SUGCT: variants seen among roughly 807,000 people sequenced by gnomAD.
SUGCT encodes the protein succinyl-CoA:glutarate CoA-transferase.
A neutral mutation model predicts 55.0 loss-of-function variants in SUGCT; 41 were observed. That is an observed-to-expected ratio of 0.74 (90% CI 0.58 to 0.97). The LOEUF is 0.97. Among genes scored for constraint, SUGCT ranks in the 50% least tolerant of loss-of-function variants. SUGCT has a pLI of 0.00. For missense variants in SUGCT, 568 were observed against 547.8 expected, an observed-to-expected ratio of 1.04 and a Z score of -0.37; for synonymous variants, 187 against 200.4, an observed-to-expected ratio of 0.93 and a Z score of 0.56.
chr7:40,426,918 A>G (rs1291109100), intron 9 of SUGCT, among the ~76,000 whole-genome samples: 2 of 152,098 alleles, frequency 1.3e-5, no homozygotes, highest in Non-Finnish European at 2.9e-5. Context: ...GACTCTAGCA[A>G]TCCTCCTGCC....
At chr7:40,931,191 T>C in the SUGCT span, among the ~76,000 whole-genome samples, 51 of 152,208 alleles carry the variant, frequency 3.4e-4, no homozygotes, top group Non-Finnish European at 6.3e-4. Context: ...ATGTGGTTAT[T>C]ATCATTGGTT....
the SUGCT span, among the ~76,000 whole-genome samples, chr7:40,922,257 T>G: frequency 0.32 from 48,929 of 151,980 alleles, 8,109 homozygotes; most frequent in South Asian, 0.49. Context: ...TCCCAGAGTT[T>G]CTGTAAAATT....
chr7:40,512,448 T>C (rs1370280790), intron 12 of SUGCT, among the ~76,000 whole-genome samples: 1 of 152,232 alleles, frequency 6.6e-6, no homozygotes, highest in Admixed American at 6.5e-5. Flanking sequence ...TAGAGTGCTG[T>C]GGCTGTGTAC....
At chr7:40,684,052 A>G (rs1784363520) in intron 12 of SUGCT, 1 of 1,612,494 alleles carries the variant, frequency 6.2e-7, no homozygotes, top group Non-Finnish European at 8.5e-7. Flanking sequence ...CTGGTTGTCA[A>G]TAGAACGCTG....
At chr7:40,820,871 G>T (rs932504641) in intron 13 of SUGCT, among the ~76,000 whole-genome samples, 2 of 152,034 alleles carry the variant, frequency 1.3e-5, no homozygotes, top group Non-Finnish European at 2.9e-5. Flanking sequence ...TCCCATTTTC[G>T]CCCATTCAGT....
At chr7:40,745,936 T>C (rs965512659) in intron 12 of SUGCT, among the ~76,000 whole-genome samples, 1 of 152,196 alleles carries the variant, frequency 6.6e-6, no homozygotes, top group African/African-American at 2.4e-5. Flanking sequence ...AAACATTTTT[T>C]AATTGAATTT....
intron 12 of SUGCT, among the ~76,000 whole-genome samples, chr7:40,531,774 C>T (rs1794105360): frequency 6.6e-6 from 1 of 151,984 alleles, no homozygotes; most frequent in Non-Finnish European, 1.5e-5. Context: ...CCCGGGTTCC[C>T]GCCATTCTTC....
intron 1 of SUGCT, among the ~76,000 whole-genome samples, chr7:40,155,352 AT>A (rs1387209988): frequency 6.6e-6 from 1 of 151,884 alleles, no homozygotes; most frequent in African/African-American, 2.4e-5. Flanking sequence ...ATTAAAAGAA[AT>A]GTTTTCTTCC....
intron 9 of SUGCT, among the ~76,000 whole-genome samples, chr7:40,402,192 A>G (rs1483513455): frequency 6.6e-6 from 1 of 152,094 alleles, no homozygotes; most frequent in African/African-American, 2.4e-5. Flanking sequence ...ACCAAAGGTA[A>G]CACAATTAGG....
the SUGCT span, among the ~76,000 whole-genome samples, chr7:40,875,081 G>A: frequency 6.6e-6 from 1 of 152,192 alleles, no homozygotes; most frequent in Non-Finnish European, 1.5e-5. Flanking sequence ...GTTCTAGATG[G>A]TCTTTTCTAC....
intron 13 of SUGCT, among the ~76,000 whole-genome samples, chr7:40,819,220 A>G (rs1032379880): frequency 1.3e-5 from 2 of 152,056 alleles, no homozygotes; most frequent in Non-Finnish European, 2.9e-5. Flanking sequence ...ATAAACATAT[A>G]TGTGCATGTG....
the SUGCT span, among the ~76,000 whole-genome samples, chr7:41,035,053 G>T: frequency 6.6e-6 from 1 of 152,204 alleles, no homozygotes; most frequent in Non-Finnish European, 1.5e-5. Flanking sequence ...GTCCCCAGCG[G>T]TGTTCTTCTT....
the SUGCT span, among the ~76,000 whole-genome samples, chr7:40,898,005 T>G: frequency 6.6e-6 from 1 of 152,104 alleles, no homozygotes; most frequent in Admixed American, 6.5e-5. Context: ...CAGGTTCCCT[T>G]CCGGTGTGAA....
chr7:40,546,366 G>C (rs532589825), intron 12 of SUGCT, among the ~76,000 whole-genome samples: 2 of 152,174 alleles, frequency 1.3e-5, no homozygotes, highest in East Asian at 3.9e-4. Flanking sequence ...ATTAAGACAG[G>C]CCTATTTCAA....
intron 9 of SUGCT, among the ~76,000 whole-genome samples, chr7:40,374,179 A>G (rs994877849): frequency 6.6e-5 from 10 of 152,136 alleles, no homozygotes; most frequent in African/African-American, 2.4e-4. Context: ...AAAAAGGAGG[A>G]ATATTAATGT....
Position 40,198,726 on chromosome 7 carries a change from G to T in SUGCT, c.484+3666G>T, listed in dbSNP as rs548193151. Among the ~76,000 whole-genome samples the T allele has an allele frequency of 7.5e-5, 11 of 146,134 alleles. No individual in the cohort carries two copies. In the South Asian group the frequency reaches 2.3e-3, roughly 31 times the overall value. On this transcript the variant is annotated intron_variant, in intron 6 of 13. Coordinates refer to ENST00000335693, the MANE Select transcript of SUGCT (RefSeq NM_001193313.2). ...AAAATACAAAAATTAGCTGGGTATG[G>T]TGGTGGGTGACTGTAATCCCAACAC...
In SUGCT at chr7:40,202,316, T is replaced by C. The variant is rs188379701; in HGVS notation, c.484+7256T>C. The stretch of plus-strand genomic sequence containing the variant: ...TTAAAATGTTCAGTCCAGTCTAATA[T>C]CAAAACCTCAGACTCTTGTCCAGTT... On this transcript the variant is annotated intron_variant, in intron 6 of 13. Transcript: ENST00000335693. Among the ~76,000 whole-genome samples, 45 of 152,294 alleles carry C rather than the reference T, an allele frequency of 3.0e-4. No homozygotes were observed. In the East Asian group the frequency reaches 8.5e-3, roughly 29 times the overall value.
chr7:41,010,769 T>C, the SUGCT span, among the ~76,000 whole-genome samples: 1 of 152,152 alleles, frequency 6.6e-6, no homozygotes, highest in East Asian at 1.9e-4. Flanking sequence ...TTGGACCCAT[T>C]AAATAAATTA....
intron 3 of SUGCT, among the ~76,000 whole-genome samples, chr7:40,185,091 C>T (rs1374897235): frequency 6.6e-6 from 1 of 152,178 alleles, no homozygotes; most frequent in African/African-American, 2.4e-5. Context: ...GTCCTGCTCC[C>T]AGAGATGATG....
Sources: gnomAD v4.1 joint callset for allele counts (sites outside exome capture counted in the v4.1 genomes callset) on GRCh38, gnomAD v4.1.1 for gene constraint, MANE v1.5 for transcripts, NCBI Gene and HGNC (gene_info 2026-07-23, HGNC 2026-07-21) for gene names.